WDR35: variants seen among roughly 807,000 people sequenced by gnomAD.
The protein encoded by WDR35 is WD repeat-containing protein 35.
A neutral mutation model predicts 158.3 loss-of-function variants in WDR35; 118 were observed. The ratio of observed to expected loss-of-function variants is 0.75; its 90% CI spans 0.64 to 0.87. The LOEUF (loss-of-function observed/expected upper bound fraction) is 0.87. Among genes scored for constraint, WDR35 ranks in the 40% least tolerant of loss-of-function variants. WDR35 has a pLI of 0.00. For synonymous variants in WDR35, 448 were observed against 476.1 expected (o/e 0.94, Z 0.77); for missense variants, 1,263 against 1,405.8 (o/e 0.90, Z 1.62).
chr2:19,973,832 G>T, intron 7 of WDR35, 124 bp from the exon 8 acceptor site: 1 of 1,348,960 alleles, frequency 7.4e-7, no homozygotes, highest in South Asian at 1.3e-5. Flanking sequence ...ACAGGGCTGG[G>T]TACAACGGCT....
chr2:19,929,319 G>GTT (rs1670455810), intron 25 of WDR35, among the ~76,000 whole-genome samples: 1 of 152,070 alleles, frequency 6.6e-6, no homozygotes. Flanking sequence ...TTCTCTAAAA[G>GTT]TTTTCTTTTA....
Position 19,913,721 on chromosome 2 carries a change from G to C in WDR35, c.3363-13C>G. The C allele has an allele frequency of 6.2e-7, 1 of 1,613,872 alleles. No homozygotes were observed. Among genetic ancestry groups the C allele is most frequent in the East Asian group, 2.2e-5 (1 of 44,856 alleles). ...TTTCCCTTCTCCACTGTAAAACGGG[G>C]AGAAACAATTCATTATACTTTAAAA... On this transcript the variant is annotated splice_polypyrimidine_tract_variant and intron_variant, in intron 26 of 26. Transcript: ENST00000281405.
In WDR35 at chr2:19,934,048, C is replaced by T. The variant is rs1353828897; in HGVS notation, c.2548-537G>A. 2.7e-5 allele frequency among the ~76,000 whole-genome samples: 4 copies of T among 148,572 alleles called. No homozygotes were observed. On this transcript the variant is annotated intron_variant, in intron 21 of 26. Transcript: ENST00000281405. The surrounding 1 kb of genome is among the most constrained non-coding windows in gnomAD (Gnocchi z 4.6). ...GAACCACCACCACCACCACCACCAC[C>T]ACCACCACCACCACCACCACCACCA...
rs188741354 is a variant in WDR35, at chr2:19,928,560, T to G, written c.3121+1836A>C. Among the ~76,000 whole-genome samples the G allele has an allele frequency of 4.6e-5, 7 of 152,326 alleles. No individual in the cohort carries two copies. In the East Asian group the frequency reaches 9.7e-4, roughly 21 times the overall value. ...GTTAAGAAAGAATAAACCTAATATA[T>G]GGTTTCAGGATAACTTAGATGTTAT... On this transcript the variant is annotated intron_variant, in intron 25 of 26. Coordinates refer to ENST00000281405, the MANE Select transcript of WDR35 (RefSeq NM_020779.4).
At position 19,951,910 on chromosome 2, in the gene WDR35, T is replaced by C. The variant is rs79626490; in HGVS notation, c.1401-426A>G. ...AGTGGATTTAGGAGGTTCTAATTAA[T>C]GCAACTTCTGCGCTGAAGTAAAGAA... On this transcript the variant is annotated intron_variant, in intron 12 of 26. Coordinates refer to ENST00000281405, the MANE Select transcript of WDR35 (RefSeq NM_020779.4). The C allele has an allele frequency of 1.1e-4, 18 of 157,176 alleles. No individual in the cohort carries two copies. The East Asian group carries it at 2.8e-3, about 24-fold the overall frequency. The allele number at this position is 157,176 out of a possible 1,614,324, so 9.7% of individuals were successfully genotyped here.
chr2:19,944,258 G>A (rs1037659130), intron 16 of WDR35, among the ~76,000 whole-genome samples: 4 of 151,998 alleles, frequency 2.6e-5, no homozygotes, highest in African/African-American at 4.8e-5. Context: ...AACAGAAATC[G>A]AACTACATGC....
At chr2:19,927,044 A>G (rs1670379524) in intron 25 of WDR35, among the ~76,000 whole-genome samples, 1 of 152,188 alleles carries the variant, frequency 6.6e-6, no homozygotes, top group Non-Finnish European at 1.5e-5. Flanking sequence ...AACCTGAGGA[A>G]AGTGGGACAA....
chr2:19,955,045 C>T (rs756929412), intron 11 of WDR35, among the ~76,000 whole-genome samples: 6 of 152,176 alleles, frequency 3.9e-5, no homozygotes, highest in Admixed American at 6.5e-5. Flanking sequence ...CTCTGCCTCC[C>T]GGGTTCAAGC....
chr2:19,971,447 A>G (rs1423373383), intron 8 of WDR35, among the ~76,000 whole-genome samples: 1 of 152,106 alleles, frequency 6.6e-6, no homozygotes, highest in Non-Finnish European at 1.5e-5. Context: ...TCTTCCTTCC[A>G]CCATGAAATT....
intron 5 of WDR35, 144 bp from the exon 6 acceptor site, chr2:19,975,807 G>A: frequency 9.2e-7 from 1 of 1,086,366 alleles, no homozygotes; most frequent in Non-Finnish European, 1.4e-6. Context: ...AATATTTACT[G>A]AGCACCTATA....
intron 16 of WDR35, among the ~76,000 whole-genome samples, chr2:19,942,094 T>C (rs893352058): frequency 1.3e-5 from 2 of 152,176 alleles, no homozygotes; most frequent in African/African-American, 4.8e-5. Context: ...CTGCAGTACA[T>C]ATCTTTAAAA....
chr2:19,912,051 AG>A lies in WDR35; in HGVS notation c.*1506del, dbSNP rs1474513592. On this transcript the variant is annotated 3_prime_UTR_variant, in exon 27 of 27. Coordinates refer to ENST00000281405, the MANE Select transcript of WDR35 (RefSeq NM_020779.4). The stretch of plus-strand genomic sequence containing the variant: ...TGGTCCTTTTTGTAACCCGACTATT[AG>A]GGGAAAGCGTATGTGACAGAATGTG... 6.6e-6 allele frequency: 1 copy of A among 152,154 alleles called. No homozygotes were observed. Among genetic ancestry groups the A allele is most frequent in the Non-Finnish European group, 1.5e-5 (1 of 68,024 alleles). 9.4% of individuals were successfully genotyped at this position (152,154 alleles called of 1,614,324 possible).
chr2:19,964,296 G>C lies in WDR35; in HGVS notation c.1194+2428C>G, dbSNP rs996669936. Among the ~76,000 whole-genome samples the C allele has an allele frequency of 2.7e-5, 4 of 150,528 alleles. No homozygotes were observed. In the South Asian group the frequency reaches 8.4e-4, roughly 32 times the overall value. On this transcript the variant is annotated intron_variant, in intron 10 of 26. Transcript: ENST00000281405. ...CCAGAACGTCAAGGAAAATTTTCTTGAATTTTTTTTTCATACTTACTGCCC... is the reference window on the plus strand; with the variant it reads ...CCAGAACGTCAAGGAAAATTTTCTTCAATTTTTTTTTCATACTTACTGCCC...
chr2:19,980,712 T>G lies in WDR35; in HGVS notation c.286A>C (p.Ile96Leu), dbSNP rs1456095660. Residue 96 changes from isoleucine (I) to leucine (L), a missense_variant, in exon 4 of 27, where the codon ATT becomes CTT. Transcript: ENST00000281405. ...LTTSDENGLIIVWMLYKGSWI... is the reference protein window; with the variant it reads ...LTTSDENGLILVWMLYKGSWI... ...ATACCTTTATATAACATCCACACAA[T>G]GATAAGCCCGTTTTCATCACTGGTA... is the stretch of plus-strand genomic sequence containing the variant. 6.2e-7 allele frequency: 1 copy of G among 1,613,732 alleles called. No individual in the cohort carries two copies.
In WDR35 at chr2:19,937,916, T is replaced by C. The variant is rs773497525; in HGVS notation, c.2094A>G (p.Lys698=). 1 of 1,614,146 alleles carries C rather than the reference T, an allele frequency of 6.2e-7. No individual in the cohort carries two copies. Among genetic ancestry groups the C allele is most frequent in the Admixed American group, 1.7e-5 (1 of 59,990 alleles). Residue 698 remains lysine, a synonymous_variant, in exon 19 of 27, where the codon AAA becomes AAG. Coordinates refer to ENST00000281405, the MANE Select transcript of WDR35 (RefSeq NM_020779.4). ...CTTGCTCTGCAGTGTATAGATCCAG[T>C]TTCTGAAGAGCTGCTTCAGCCAGTA... ...WRLLAEAALQ[K]LDLYTAEQAF...
At chr2:19,969,420 C>G in intron 9 of WDR35, 60 bp downstream of exon 9, 1 of 1,545,324 alleles carries the variant, frequency 6.5e-7, no homozygotes, top group Non-Finnish European at 8.8e-7. Flanking sequence ...ATACTTTGAG[C>G]TATAGCAAAA....
chr2:19,937,320 C>T (rs750632332), intron 19 of WDR35, among the ~76,000 whole-genome samples: 5 of 151,964 alleles, frequency 3.3e-5, no homozygotes, highest in East Asian at 1.9e-4. Flanking sequence ...AAATCAAAAA[C>T]GAAATATAAA....
intron 2 of WDR35, among the ~76,000 whole-genome samples, chr2:19,984,204 G>T (rs1244608728): frequency 1.3e-5 from 2 of 152,050 alleles, no homozygotes; most frequent in African/African-American, 4.8e-5. Flanking sequence ...TTGAAATTCA[G>T]CTTGATATAT....
intron 6 of WDR35, 124 bp downstream of exon 6, chr2:19,975,406 A>G: frequency 8.3e-7 from 1 of 1,201,000 alleles, no homozygotes; most frequent in Non-Finnish European, 1.1e-6. Flanking sequence ...AAGAAAAAAA[A>G]TCTGAATTGA....
Sources: gnomAD v4.1 joint callset for allele counts (sites outside exome capture counted in the v4.1 genomes callset) on GRCh38, gnomAD v4.1.1 for gene constraint, Gnocchi (gnomAD v3.1) non-coding constraint, MANE v1.5 for transcripts, NCBI Gene and HGNC (gene_info 2026-07-23, HGNC 2026-07-21) for gene names.